The following MAN2A1 variants were observed in gnomAD, a reference collection of about 807,000 sequenced individuals.
MAN2A1 encodes the protein mannosidase alpha class 2A member 1.
In MAN2A1, 76 loss-of-function variants were observed where a neutral mutation model predicts 142.6. The observed-to-expected ratio is 0.53, with a 90% CI of 0.44 to 0.65. The LOEUF is 0.65. Ranked by LOEUF, MAN2A1 falls within the 30% of genes least tolerant of loss-of-function variation. MAN2A1 has a pLI of 0.00. For synonymous variants in MAN2A1, 559 were observed against 473.2 expected, an observed-to-expected ratio of 1.18 and a Z score of -2.35; for missense variants, 1,311 against 1,365.1, an observed-to-expected ratio of 0.96 and a Z score of 0.62.
chr5:109,732,881 T>G (rs1375331131), intron 4 of MAN2A1, among the ~76,000 whole-genome samples: 3 of 151,938 alleles, frequency 2.0e-5, no homozygotes, highest in South Asian at 2.1e-4. Flanking sequence ...TTAAAGTAGT[T>G]TTTTCCAATT....
At chr5:109,772,544 C>T (rs758852747) in intron 7 of MAN2A1, among the ~76,000 whole-genome samples, 2 of 152,152 alleles carry the variant, frequency 1.3e-5, no homozygotes, top group Non-Finnish European at 2.9e-5. Context: ...GGTTCTCTTT[C>T]TGTCACCCAG....
chr5:109,738,539 C>G (rs1373751029), intron 4 of MAN2A1, among the ~76,000 whole-genome samples: 4 of 152,126 alleles, frequency 2.6e-5, no homozygotes, highest in African/African-American at 9.7e-5. Flanking sequence ...GGAACTGGAA[C>G]CAGTCCGCCT....
chr5:109,716,664 A>T (rs1388214926), intron 3 of MAN2A1, among the ~76,000 whole-genome samples: 2 of 152,250 alleles, frequency 1.3e-5, no homozygotes. Context: ...TAAAATAAAG[A>T]AGCAGTATTA....
In MAN2A1 at chr5:109,868,150, C is replaced by T. The variant is rs1156577788; in HGVS notation, c.*1152C>T. ...TTTTGTAAAATGCAAAATCCAGCTA[C>T]TGTTTCCATTTCACAGTAGTTAACT... On this transcript the variant is annotated 3_prime_UTR_variant, in exon 22 of 22. Coordinates refer to ENST00000261483, the MANE Select transcript of MAN2A1 (RefSeq NM_002372.4). 6.6e-6 allele frequency: 1 copy of T among 152,188 alleles called. No homozygotes were observed. The highest frequency in any genetic ancestry group is 1.5e-5 in the Non-Finnish European group (1 of 68,020). 9.4% of individuals were successfully genotyped at this position (152,188 alleles called of 1,614,324 possible).
chr5:109,798,623 A>C lies in MAN2A1; in HGVS notation c.1943+9096A>C, dbSNP rs1391592472. On this transcript the variant is annotated intron_variant, in intron 12 of 21. Transcript: ENST00000261483. ...GATCATCTTGTCTTTTTTACTTTCAACTCGTATCCAAACACATGCTAGACC... is the reference window on the plus strand; with the variant it reads ...GATCATCTTGTCTTTTTTACTTTCACCTCGTATCCAAACACATGCTAGACC... Among the ~76,000 whole-genome samples the C allele has an allele frequency of 2.0e-5, 3 of 151,794 alleles. No individual in the cohort carries two copies. In the East Asian group the frequency reaches 5.8e-4, roughly 29 times the overall value.
At chr5:109,801,318 A>G (rs574976579) in intron 12 of MAN2A1, among the ~76,000 whole-genome samples, 2 of 152,306 alleles carry the variant, frequency 1.3e-5, no homozygotes, top group Admixed American at 1.3e-4. Flanking sequence ...AGGGATGAGC[A>G]AAGGAGGAAG....
chr5:109,732,680 T>C (rs1582835470), intron 4 of MAN2A1, among the ~76,000 whole-genome samples: 1 of 152,264 alleles, frequency 6.6e-6, no homozygotes, highest in East Asian at 1.9e-4. Flanking sequence ...TGCAGATATG[T>C]GGCATTATTT....
intron 16 of MAN2A1, among the ~76,000 whole-genome samples, chr5:109,831,553 A>T (rs555205035): frequency 9.8e-5 from 15 of 152,326 alleles, no homozygotes; most frequent in Non-Finnish European, 1.3e-4. Flanking sequence ...AATAATTGCA[A>T]AGGATGTTAT....
intron 12 of MAN2A1, among the ~76,000 whole-genome samples, chr5:109,810,675 C>CCTCT (rs1285703587): frequency 6.6e-6 from 1 of 152,204 alleles, no homozygotes; most frequent in Non-Finnish European, 1.5e-5. Context: ...GAACTCACAG[C>CCTCT]CTCTCCCTTG....
intron 6 of MAN2A1, 67 bp downstream of exon 6, chr5:109,767,775 C>T (rs1360021200): frequency 3.8e-6 from 5 of 1,325,706 alleles, no homozygotes; most frequent in Admixed American, 1.9e-5. Flanking sequence ...GTTATGAACT[C>T]ATGCCACTGT....
chr5:109,723,201 C>T (rs555103911), intron 3 of MAN2A1, among the ~76,000 whole-genome samples: 1 of 152,286 alleles, frequency 6.6e-6, no homozygotes, highest in Admixed American at 6.5e-5. Context: ...TTTCCAGTGA[C>T]AGCATCTTCA....
In MAN2A1 at chr5:109,753,532, T is replaced by C. The variant is rs531088488; in HGVS notation, c.708-1797T>C. Among the ~76,000 whole-genome samples the C allele has an allele frequency of 9.4e-4, 143 of 152,372 alleles. 1 individual carries two copies. Among genetic ancestry groups the C allele is most frequent in the Non-Finnish European group, 1.6e-3 (112 of 68,038 alleles). ...AAATTATATTAGTTGGTGATCCCCATGGCAACATAAATTTATTTCTTTAAT... is the reference window on the plus strand; with the variant it reads ...AAATTATATTAGTTGGTGATCCCCACGGCAACATAAATTTATTTCTTTAAT... On this transcript the variant is annotated intron_variant, in intron 4 of 21. Transcript: ENST00000261483.
At chr5:109,786,196 A>C (rs1753591431) in intron 10 of MAN2A1, among the ~76,000 whole-genome samples, 1 of 152,060 alleles carries the variant, frequency 6.6e-6, no homozygotes, top group Admixed American at 6.6e-5. Flanking sequence ...TAGATGATAA[A>C]GATGGTATTT....
chr5:109,710,070 C>T (rs1187558841), intron 1 of MAN2A1, among the ~76,000 whole-genome samples: 1 of 152,140 alleles, frequency 6.6e-6, no homozygotes, highest in African/African-American at 2.4e-5. Context: ...CTTTATTCCA[C>T]CGCATAATAT....
At chr5:109,727,122 T>A (rs1751766830) in intron 3 of MAN2A1, among the ~76,000 whole-genome samples, 1 of 152,224 alleles carries the variant, frequency 6.6e-6, no homozygotes, top group African/African-American at 2.4e-5. Context: ...CAATCTTTAT[T>A]TCTTGGATGG....
At chr5:109,738,262 C>G (rs1470754821) in intron 4 of MAN2A1, among the ~76,000 whole-genome samples, 1 of 134,038 alleles carries the variant, frequency 7.5e-6, no homozygotes, top group African/African-American at 2.9e-5. Context: ...CCATTCTTGC[C>G]TGATCTTTGT....
intron 5 of MAN2A1, among the ~76,000 whole-genome samples, chr5:109,759,960 TATATAGATAGATAGATAGATAG>T (rs1752797643): frequency 8.3e-5 from 3 of 35,962 alleles, no homozygotes; most frequent in African/African-American, 6.0e-4. Flanking sequence ...TATATATATA[TATATAGATAGATAGATAGATAG>T]ATAGATAGAT....
At chr5:109,848,782 A>G (rs1052204147) in intron 19 of MAN2A1, among the ~76,000 whole-genome samples, 2 of 152,164 alleles carry the variant, frequency 1.3e-5, no homozygotes, top group Non-Finnish European at 2.9e-5. Context: ...TCTTCTATTA[A>G]AAGTAGAAAT....
chr5:109,832,856 G>C (rs150426486), intron 16 of MAN2A1, among the ~76,000 whole-genome samples: 98,048 of 148,512 alleles, frequency 0.66, 32,685 homozygotes, highest in East Asian at 0.9. Flanking sequence ...CGGGCGGAGG[G>C]GCTCCTCACT....
Sources: gnomAD v4.1 joint callset for allele counts (sites outside exome capture counted in the v4.1 genomes callset) on GRCh38, gnomAD v4.1.1 for gene constraint, MANE v1.5 for transcripts, NCBI Gene and HGNC (gene_info 2026-07-23, HGNC 2026-07-21) for gene names.